The following DENND1B variants were observed in gnomAD, a reference collection of about 807,000 sequenced individuals.
DENND1B encodes DENN domain containing 1B, also known as DENN domain-containing protein 1B.
In DENND1B, 59 loss-of-function variants were observed where a neutral mutation model predicts 90.1. The observed-to-expected ratio is 0.65, with a 90% CI of 0.53 to 0.81. The LOEUF is 0.81. Among genes scored for constraint, DENND1B ranks in the 40% least tolerant of loss-of-function variants. DENND1B has a pLI of 0.00. For synonymous variants in DENND1B, 337 were observed against 324.6 expected (o/e 1.04, Z -0.41); for missense variants, 862 against 912.6 (o/e 0.94, Z 0.71).
At chr1:197,732,621 T>C (rs1386327922) in intron 2 of DENND1B, among the ~76,000 whole-genome samples, 1 of 152,176 alleles carries the variant, frequency 6.6e-6, no homozygotes, top group Non-Finnish European at 1.5e-5. Context: ...ATATGCATAG[T>C]TATTCTCAGG....
intron 20 of DENND1B, among the ~76,000 whole-genome samples, chr1:197,515,737 C>T (rs1668349022): frequency 6.6e-6 from 1 of 151,748 alleles, no homozygotes; most frequent in Non-Finnish European, 1.5e-5. Context: ...TAAATTAAGT[C>T]AAGCCTTTGA....
chr1:197,665,036 T>G (rs985669412), intron 5 of DENND1B, among the ~76,000 whole-genome samples: 9 of 152,150 alleles, frequency 5.9e-5, no homozygotes, highest in African/African-American at 2.2e-4. Flanking sequence ...AATTGCCAGA[T>G]TTAAATTAGT....
At chr1:197,703,659 A>T (rs1659253477) in intron 3 of DENND1B, among the ~76,000 whole-genome samples, 1 of 152,230 alleles carries the variant, frequency 6.6e-6, no homozygotes, top group African/African-American at 2.4e-5. Flanking sequence ...GATTCTAAAA[A>T]GAAGCTACAA....
intron 16 of DENND1B, among the ~76,000 whole-genome samples, chr1:197,547,450 T>G (rs1670898552): frequency 1.3e-5 from 2 of 152,294 alleles, no homozygotes; most frequent in East Asian, 3.9e-4. Flanking sequence ...TATCTTTGCA[T>G]CCCTAATCAA....
chr1:197,765,070 T>C (rs1023590303), intron 2 of DENND1B, among the ~76,000 whole-genome samples: 24 of 152,226 alleles, frequency 1.6e-4, no homozygotes, highest in African/African-American at 5.1e-4. Context: ...TCTGTTATTC[T>C]ACTCTTCTCT....
At chr1:197,572,109 G>A (rs371945608) in intron 15 of DENND1B, among the ~76,000 whole-genome samples, 6 of 152,148 alleles carry the variant, frequency 3.9e-5, no homozygotes, top group Non-Finnish European at 8.8e-5. Context: ...AAGCAGGGTG[G>A]GGCATCGCCG....
intron 18 of DENND1B, among the ~76,000 whole-genome samples, chr1:197,544,784 G>A (rs552959568): frequency 7.0e-6 from 1 of 142,324 alleles, no homozygotes; most frequent in Non-Finnish European, 1.6e-5. Context: ...GGAGGAGGAA[G>A]AAGAAGAAGA....
chr1:197,642,888 CACTT>C, intron 9 of DENND1B, 67 bp from the exon 10 acceptor site: 5 of 1,067,224 alleles, frequency 4.7e-6, no homozygotes, highest in South Asian at 1.5e-5. Context: ...ACATTTTACA[CACTT>C]ACCAGAAAGT....
rs193045683 is a variant in DENND1B, at chr1:197,647,594, C to A, written c.448-480G>T. On this transcript the variant is annotated intron_variant, in intron 7 of 22. Coordinates refer to ENST00000620048, the MANE Select transcript of DENND1B (RefSeq NM_001195215.2). The stretch of plus-strand genomic sequence containing the variant: ...TACTTTAGGAGTCTGTTATTGAAAT[C>A]AAATGCAATTAATAATTCATAGTAA... 4.6e-5 allele frequency among the ~76,000 whole-genome samples: 7 copies of A among 152,206 alleles called. No homozygotes were observed. In the East Asian group the frequency reaches 1.4e-3, roughly 29 times the overall value.
chr1:197,775,143 T>C lies in DENND1B; in HGVS notation c.13A>G (p.Thr5Ala). The C allele has an allele frequency of 7.7e-7, 1 of 1,306,342 alleles. No individual in the cohort carries two copies. The highest frequency in any genetic ancestry group is 2.5e-5 in the South Asian group (1 of 40,254). The allele number at this position is 1,306,342 out of a possible 1,614,324, so 80.9% of individuals were successfully genotyped here. The change falls in exon 1 of 23, where the codon ACC becomes GCC. Residue 5 changes from threonine (T) to alanine (A), a missense_variant. Physicochemically the swap from Thr to Ala is moderately conservative, Grantham distance 58 (BLOSUM62 0). Coordinates refer to ENST00000620048, the MANE Select transcript of DENND1B (RefSeq NM_001195215.2). ...CGCCCGGGCCCCCCCACTCACTTGG[T>C]CCTGCAGTCCATGGTTACATGTCGG... MDCRTKANPDRTFDL... is the reference protein window; with the variant it reads MDCRAKANPDRTFDL...
At chr1:197,758,118 T>G (rs1159457676) in intron 2 of DENND1B, among the ~76,000 whole-genome samples, 1 of 151,976 alleles carries the variant, frequency 6.6e-6, no homozygotes, top group African/African-American at 2.4e-5. Context: ...AACTCCTGTT[T>G]GACCTCTCTG....
Position 197,677,164 on chromosome 1 carries a change from C to T in DENND1B, c.127-2995G>A, listed in dbSNP as rs79422136. The stretch of plus-strand genomic sequence containing the variant: ...TTTCCTCCTTCTCAACCACTTTTGT[C>T]CTCCACTGTACACTGAAATTTCAGA... On this transcript the variant is annotated intron_variant, in intron 3 of 22. Coordinates refer to ENST00000620048, the MANE Select transcript of DENND1B (RefSeq NM_001195215.2). Among the ~76,000 whole-genome samples the T allele has an allele frequency of 1.2e-3, 176 of 152,196 alleles. 2 individuals are homozygous for T. The East Asian group carries it at 0.032, about 28-fold the overall frequency.
chr1:197,714,632 A>T (rs914727821), intron 3 of DENND1B, among the ~76,000 whole-genome samples: 1 of 152,166 alleles, frequency 6.6e-6, no homozygotes, highest in African/African-American at 2.4e-5. Flanking sequence ...GAGAGAACTG[A>T]TCACTTATTT....
At chr1:197,664,425 G>A (rs1331679674) in intron 5 of DENND1B, among the ~76,000 whole-genome samples, 1 of 152,010 alleles carries the variant, frequency 6.6e-6, no homozygotes, top group Non-Finnish European at 1.5e-5. Context: ...AAGTACAGGA[G>A]ATTAGTTAAA....
At chr1:197,755,213 T>A (rs1205604387) in intron 2 of DENND1B, among the ~76,000 whole-genome samples, 1 of 152,210 alleles carries the variant, frequency 6.6e-6, no homozygotes, top group Non-Finnish European at 1.5e-5. Context: ...GCCAGTTATA[T>A]GTATCAGCCT....
At chr1:197,644,101 G>A (rs887360047) in intron 9 of DENND1B, among the ~76,000 whole-genome samples, 1 of 152,106 alleles carries the variant, frequency 6.6e-6, no homozygotes, top group Non-Finnish European at 1.5e-5. Flanking sequence ...TGTTGAATTT[G>A]GTGGGAAGAG....
intron 5 of DENND1B, among the ~76,000 whole-genome samples, chr1:197,670,990 T>C (rs1335565464): frequency 6.6e-6 from 1 of 152,180 alleles, no homozygotes; most frequent in African/African-American, 2.4e-5. Flanking sequence ...GTTAAGCACT[T>C]ACTTTTGAAT....
rs187759717 is a variant in DENND1B, at chr1:197,610,797, A to G, written c.819+1134T>C. Among the ~76,000 whole-genome samples the G allele has an allele frequency of 6.0e-5, 9 of 151,104 alleles. No homozygotes were observed. The East Asian group carries it at 1.4e-3, about 23-fold the overall frequency. On this transcript the variant is annotated intron_variant, in intron 12 of 22. Coordinates refer to ENST00000620048, the MANE Select transcript of DENND1B (RefSeq NM_001195215.2). ...TAAGTTTTCTAGAAATGAATAAAAA[A>G]TAAGGAGTCATAAAGGTATCCAACT...
intron 3 of DENND1B, among the ~76,000 whole-genome samples, chr1:197,713,993 C>CTTT (rs1372499037): frequency 0.012 from 126 of 10,690 alleles, no homozygotes; most frequent in African/African-American, 0.031. Flanking sequence ...AATTATATAT[C>CTTT]TTTTTTTTTT....
Sources: allele counts gnomAD v4.1 joint callset (sites outside exome capture counted in the v4.1 genomes callset), GRCh38; gene constraint gnomAD v4.1.1; transcripts MANE v1.5; gene names NCBI Gene and HGNC (gene_info 2026-07-23, HGNC 2026-07-21).